The following AFF1 variants were observed in gnomAD, a reference collection of about 807,000 sequenced individuals.
AFF1 encodes AF4/FMR2 family member 1.
In AFF1, 48 loss-of-function variants were observed where a neutral mutation model predicts 121.7. The ratio of observed to expected loss-of-function variants is 0.39; its 90% CI spans 0.31 to 0.50. The LOEUF (loss-of-function observed/expected upper bound fraction) is 0.50. AFF1 is among the 20% of genes least tolerant of loss of function. AFF1 has a pLI of 0.76. For synonymous variants in AFF1, 613 were observed against 563.0 expected (o/e 1.09, Z -1.26); for missense variants, 1,523 against 1,511.7 (o/e 1.01, Z -0.12).
intron 2 of AFF1, among the ~76,000 whole-genome samples, chr4:86,982,848 C>CAA (rs59568294): frequency 1.9e-4 from 10 of 53,808 alleles, no homozygotes; most frequent in East Asian, 7.2e-4. Flanking sequence ...ACTCTGTCTC[C>CAA]AAAAAAAAAA....
At chr4:86,939,729 G>A (rs2149439673) in intron 1 of AFF1, among the ~76,000 whole-genome samples, 1 of 152,320 alleles carries the variant, frequency 6.6e-6, no homozygotes, top group South Asian at 2.1e-4. Context: ...TGTGCAGCCT[G>A]GCAGTAGTTC....
At chr4:87,039,138 C>G (rs1183085006) in intron 2 of AFF1, among the ~76,000 whole-genome samples, 1 of 152,238 alleles carries the variant, frequency 6.6e-6, no homozygotes, top group Non-Finnish European at 1.5e-5. Context: ...TCATGCCCAA[C>G]TTGGGCCTTT....
At chr4:86,955,178 A>G (rs1560499578) in intron 2 of AFF1, among the ~76,000 whole-genome samples, 2 of 152,224 alleles carry the variant, frequency 1.3e-5, no homozygotes, top group Non-Finnish European at 1.5e-5. Context: ...TTAAAATGAC[A>G]ATAAAAGTGG....
At chr4:87,060,708 A>G (rs1200724370) in intron 4 of AFF1, among the ~76,000 whole-genome samples, 1 of 151,914 alleles carries the variant, frequency 6.6e-6, no homozygotes, top group East Asian at 1.9e-4. Flanking sequence ...GTATGGTGGC[A>G]GGCGCCTGTA....
At chr4:86,986,273 T>C (rs1724269887) in intron 2 of AFF1, among the ~76,000 whole-genome samples, 1 of 152,068 alleles carries the variant, frequency 6.6e-6, no homozygotes, top group African/African-American at 2.4e-5. Context: ...GGTTTCACCA[T>C]GTTGGCCAGG....
chr4:87,049,828 C>A, intron 4 of AFF1: 1 of 443,556 alleles, frequency 2.3e-6, no homozygotes, highest in Non-Finnish European at 4.5e-6. Context: ...CCTTTGAGGG[C>A]AAATTAGGAG....
chr4:87,090,512 T>C (rs1724189745), intron 6 of AFF1, among the ~76,000 whole-genome samples: 1 of 152,232 alleles, frequency 6.6e-6, no homozygotes, highest in African/African-American at 2.4e-5. Flanking sequence ...GACTTGTGTG[T>C]TTCTGTTACA....
intron 2 of AFF1, chr4:86,950,026 G>A (rs983208938): frequency 1.6e-5 from 26 of 1,613,948 alleles, no homozygotes; most frequent in Non-Finnish European, 1.9e-5. Context: ...GCTGAGCTCC[G>A]TAGGTAGGGG....
chr4:86,973,037 G>T (rs1003095459), intron 2 of AFF1, among the ~76,000 whole-genome samples: 6 of 152,172 alleles, frequency 3.9e-5, no homozygotes, highest in African/African-American at 1.4e-4. Context: ...AACTGAAAAA[G>T]GACAATCTCT....
intron 2 of AFF1, among the ~76,000 whole-genome samples, chr4:87,003,138 A>G (rs1447821188): frequency 6.6e-6 from 1 of 152,156 alleles, no homozygotes; most frequent in Admixed American, 6.5e-5. Flanking sequence ...ACTTGTTTCA[A>G]ATTACTCCCA....
chr4:86,950,131 C>G, intron 2 of AFF1: 1 of 1,581,556 alleles, frequency 6.3e-7, no homozygotes. Flanking sequence ...AGGGATGGGA[C>G]TTGGGCCAGC....
chr4:86,967,991 G>C (rs1722652505), intron 2 of AFF1, among the ~76,000 whole-genome samples: 1 of 152,180 alleles, frequency 6.6e-6, no homozygotes, highest in South Asian at 2.1e-4. Context: ...AACTTAGTGG[G>C]AACTAAGTAG....
intron 2 of AFF1, among the ~76,000 whole-genome samples, chr4:87,045,517 A>G (rs1363302481): frequency 6.6e-6 from 1 of 151,950 alleles, no homozygotes; most frequent in Non-Finnish European, 1.5e-5. Flanking sequence ...TAAGTAGGGC[A>G]GTCAGATTAT....
At chr4:86,995,989 C>T (rs377662369) in intron 2 of AFF1, among the ~76,000 whole-genome samples, 20,761 of 119,614 alleles carry the variant, frequency 0.17, 1,617 homozygotes, top group Non-Finnish European at 0.25. Flanking sequence ...GGAGCCCCTC[C>T]GCCCGGCAGC....
chr4:87,042,158 A>G (rs1164256109), intron 2 of AFF1, among the ~76,000 whole-genome samples: 1 of 152,204 alleles, frequency 6.6e-6, no homozygotes, highest in African/African-American at 2.4e-5. Flanking sequence ...AGGCTCAACA[A>G]AGGTTTACTC....
At chr4:87,067,888 T>G (rs986982329) in intron 4 of AFF1, among the ~76,000 whole-genome samples, 2 of 152,244 alleles carry the variant, frequency 1.3e-5, no homozygotes, top group African/African-American at 2.4e-5. Context: ...ATGCTTTTTA[T>G]TACTCGGATT....
At position 87,086,733 on chromosome 4, in the gene AFF1, C is replaced by T. The variant is rs114433893; in HGVS notation, c.1104+2569C>T. Among the ~76,000 whole-genome samples, 1,057 of 152,260 alleles carry T rather than the reference C, an allele frequency of 6.9e-3. 14 individuals carry two copies. The highest frequency in any genetic ancestry group is 0.024 in the African/African-American group (1,012 of 41,528). On this transcript the variant is annotated intron_variant, in intron 5 of 20. Transcript: ENST00000395146. ...TCCAGCTCTTACTCTTGACGCTGAC[C>T]CAGATGCTACTTTCCTTTGCCTCCC...
At chr4:87,060,875 AAAC>A (rs1720715325) in intron 4 of AFF1, among the ~76,000 whole-genome samples, 1 of 141,590 alleles carries the variant, frequency 7.1e-6, no homozygotes, top group African/African-American at 2.7e-5. Context: ...AAACACAAAA[AAAC>A]AACAACAAAA....
chr4:86,967,012 C>G (rs1722584322), intron 2 of AFF1, among the ~76,000 whole-genome samples: 2 of 152,200 alleles, frequency 1.3e-5, no homozygotes, highest in African/African-American at 4.8e-5. Context: ...TCTCTCAATT[C>G]CATATACAGG....
Sources: gnomAD v4.1 joint callset for allele counts (sites outside exome capture counted in the v4.1 genomes callset) on GRCh38, gnomAD v4.1.1 for gene constraint, MANE v1.5 for transcripts, NCBI Gene and HGNC (gene_info 2026-07-23, HGNC 2026-07-21) for gene names.